PCDHGA1: variants seen among roughly 807,000 people sequenced by gnomAD.
PCDHGA1 encodes the protein protocadherin gamma-A1.
PCDHGA1 carries 32 observed loss-of-function variants against 58.0 expected under a neutral mutation model. The observed-to-expected ratio is 0.55, with a 90% CI of 0.42 to 0.74. The LOEUF is 0.74. PCDHGA1 is among the 30% of genes least tolerant of loss of function. The pLI, the probability that PCDHGA1 is intolerant of heterozygous loss-of-function variation, is 0.00. For missense variants in PCDHGA1, 1,205 were observed against 1,182.3 expected, an observed-to-expected ratio of 1.02 and a Z score of -0.28; for synonymous variants, 498 against 501.1, an observed-to-expected ratio of 0.99 and a Z score of 0.08.
intron 1 of PCDHGA1, among the ~76,000 whole-genome samples, chr5:141,454,268 G>A (rs2098785692): frequency 6.6e-6 from 1 of 152,126 alleles, no homozygotes; most frequent in African/African-American, 2.4e-5. Context: ...AGTAATGCCA[G>A]CAAAAACTTC....
rs144585584 is a variant in PCDHGA1 at position 141,478,339 on chromosome 5, C to T, written c.2422-16468C>T. 998 of 1,613,918 alleles carry T rather than the reference C, an allele frequency of 6.2e-4. 16 individuals carry two copies. In the East Asian group the frequency reaches 0.019, roughly 31 times the overall value. Reference sequence around the variant, plus strand: ...CACTGTACCGAACACCAGGGCCCTCCTTGCACGCGGACGCCGTGCGGGGAG... The same window carrying T: ...CACTGTACCGAACACCAGGGCCCTCTTTGCACGCGGACGCCGTGCGGGGAG... On this transcript the variant is annotated intron_variant, in intron 1 of 3. Transcript: ENST00000517417.
chr5:141,430,723 A>C lies in PCDHGA1; in HGVS notation c.2422-64084A>C, dbSNP rs554822923. ...GAACTGCTCCTGACTTCAGTGGTTAAGGGCAGAATTGAAAATAATTCTGGA... is the reference window on the plus strand; with the variant it reads ...GAACTGCTCCTGACTTCAGTGGTTACGGGCAGAATTGAAAATAATTCTGGA... On this transcript the variant is annotated intron_variant, in intron 1 of 3. Transcript: ENST00000517417. 58 of 1,493,590 alleles carry C rather than the reference A, an allele frequency of 3.9e-5. No homozygotes were observed. The African/African-American group carries it at 7.7e-4, about 20-fold the overall frequency. The allele number at this position is 1,493,590 out of a possible 1,614,324, so 92.5% of individuals were successfully genotyped here. A position where few individuals can be genotyped will look rare whatever the true frequency, so the allele number is the denominator to read the frequency against.
intron 1 of PCDHGA1, among the ~76,000 whole-genome samples, chr5:141,474,163 T>A (rs958292802): frequency 2.0e-5 from 3 of 152,178 alleles, no homozygotes; most frequent in Non-Finnish European, 2.9e-5. Flanking sequence ...ATGACAGGCC[T>A]TATTATTGAG....
chr5:141,458,249 GCT>G (rs1291613361), intron 1 of PCDHGA1, among the ~76,000 whole-genome samples: 1 of 152,136 alleles, frequency 6.6e-6, no homozygotes, highest in African/African-American at 2.4e-5. Flanking sequence ...AAATGATACG[GCT>G]CTGATGAGTG....
chr5:141,370,192 G>T (rs1346847979), intron 1 of PCDHGA1: 1 of 524,194 alleles, frequency 1.9e-6, no homozygotes, highest in South Asian at 3.7e-5. Flanking sequence ...CTTGGCTAGT[G>T]CTGTGCAAAA....
intron 1 of PCDHGA1, among the ~76,000 whole-genome samples, chr5:141,335,569 A>C (rs1275786901): frequency 6.6e-6 from 1 of 152,212 alleles, no homozygotes; most frequent in Non-Finnish European, 1.5e-5. Context: ...TAGACCCCAC[A>C]GGAAGAAAGT....
chr5:141,420,256 T>C (rs377440259), intron 1 of PCDHGA1: 2 of 1,569,010 alleles, frequency 1.3e-6, no homozygotes, highest in Non-Finnish European at 1.7e-6. Flanking sequence ...TTGAAGCAGA[T>C]AAGAAGATTC....
At position 141,477,550 on chromosome 5, in the gene PCDHGA1, C is replaced by T. The variant is rs1262360790; in HGVS notation, c.2422-17257C>T. The T allele has an allele frequency of 4.3e-6, 7 of 1,614,178 alleles. No homozygotes were observed. The highest frequency in any genetic ancestry group is 5.9e-6 in the Non-Finnish European group (7 of 1,180,036). On this transcript the variant is annotated intron_variant, in intron 1 of 3. Transcript: ENST00000517417. This position sits in a 1 kb window ranked among gnomAD's most constrained non-coding sequence, Gnocchi z 4.9. ...ACCTCCCCGGGGCTCCAATACTAAACCTAAGTGTCTGGGACCCCGACGCCC... is the reference window on the plus strand; with the variant it reads ...ACCTCCCCGGGGCTCCAATACTAAATCTAAGTGTCTGGGACCCCGACGCCC...
intron 1 of PCDHGA1, among the ~76,000 whole-genome samples, chr5:141,457,046 T>A (rs2098905373): frequency 6.6e-6 from 1 of 152,198 alleles, no homozygotes; most frequent in South Asian, 2.1e-4. Flanking sequence ...ATAGTAAAAC[T>A]TTCATGCTTC....
intron 1 of PCDHGA1, among the ~76,000 whole-genome samples, chr5:141,354,134 A>G (rs1033853247): frequency 1.3e-5 from 2 of 152,252 alleles, no homozygotes; most frequent in Non-Finnish European, 2.9e-5. Flanking sequence ...AAATTGTAAA[A>G]TAATACTGAA....
In PCDHGA1 at chr5:141,410,323, G is replaced by T. The variant is rs1415994094; in HGVS notation, c.2421+77218G>T. 3.7e-6 allele frequency: 6 copies of T among 1,613,884 alleles called. No homozygotes were observed. The South Asian group carries it at 5.5e-5, about 15-fold the overall frequency. ...TCTCAGTGCTCTTCCTCCTCGCCGT[G>T]ATTCTGGCCATTGCCTTGCGCCTGC... is the stretch of plus-strand genomic sequence containing the variant. On this transcript the variant is annotated intron_variant, in intron 1 of 3. Transcript: ENST00000517417.
chr5:141,390,477 C>T (rs2150421205), intron 1 of PCDHGA1: 3 of 678,620 alleles, frequency 4.4e-6, no homozygotes, highest in South Asian at 2.0e-5. Flanking sequence ...TGTGGCCCAA[C>T]ATTTGTTTGT....
chr5:141,487,491 C>A lies in PCDHGA1; in HGVS notation c.2422-7316C>A. On this transcript the variant is annotated intron_variant, in intron 1 of 3. Transcript: ENST00000517417. This position sits in a 1 kb window ranked among gnomAD's most constrained non-coding sequence, Gnocchi z 5.0. The stretch of plus-strand genomic sequence containing the variant: ...GTGGGAGGCCACTCTCATGGCTGTA[C>A]ACCCTTGGCTTCTGCACCCACTCGG... The A allele has an allele frequency of 6.2e-7, 1 of 1,614,204 alleles. No individual in the cohort carries two copies. The highest frequency in any genetic ancestry group is 8.5e-7 in the Non-Finnish European group (1 of 1,180,034).
At chr5:141,361,215 G>C in intron 1 of PCDHGA1, 1 of 1,613,962 alleles carries the variant, frequency 6.2e-7, no homozygotes. Context: ...CGGAGGATTC[G>C]CCACCAGGAA....
intron 1 of PCDHGA1, chr5:141,351,674 G>A (rs781547082): frequency 1.9e-6 from 3 of 1,613,970 alleles, no homozygotes; most frequent in East Asian, 2.2e-5. Flanking sequence ...ACAAGTAAGC[G>A]CCTCCGACCC....
intron 1 of PCDHGA1, chr5:141,373,807 T>C (rs760297070): frequency 1.2e-5 from 4 of 341,172 alleles, no homozygotes; most frequent in Non-Finnish European, 1.1e-5. Flanking sequence ...CTCTGTGTGA[T>C]AGTTTCACAA....
chr5:141,345,616 T>G (rs1490856999), intron 1 of PCDHGA1: 1 of 1,614,056 alleles, frequency 6.2e-7, no homozygotes, highest in Non-Finnish European at 8.5e-7. Flanking sequence ...TTTAGAGACT[T>G]AAAGCTACTG....
chr5:141,425,217 T>G (rs565640413), intron 1 of PCDHGA1, among the ~76,000 whole-genome samples: 51 of 152,294 alleles, frequency 3.3e-4, no homozygotes, highest in Middle Eastern at 3.4e-3. Flanking sequence ...GCATTGTACT[T>G]TGACTGGAAT....
intron 1 of PCDHGA1, among the ~76,000 whole-genome samples, chr5:141,335,396 C>T (rs756708220): frequency 7.2e-5 from 11 of 151,934 alleles, no homozygotes; most frequent in Non-Finnish European, 1.2e-4. Flanking sequence ...ACAACAAAGT[C>T]ATATTTAAGG....
Sources: gnomAD v4.1 joint callset for allele counts (sites outside exome capture counted in the v4.1 genomes callset) on GRCh38, gnomAD v4.1.1 for gene constraint, Gnocchi (gnomAD v3.1) non-coding constraint, MANE v1.5 for transcripts, NCBI Gene and HGNC (gene_info 2026-07-23, HGNC 2026-07-21) for gene names.